Variants in SLC30A7 observed in about 807,000 individuals in gnomAD.
SLC30A7 encodes the protein zinc transporter 7.
SLC30A7 carries 35 observed loss-of-function variants against 46.0 expected under a neutral mutation model. The observed-to-expected ratio is 0.76, with a 90% confidence interval of 0.58 to 1.01. SLC30A7 has a LOEUF of 1.01. SLC30A7 is among the 50% of genes least tolerant of loss of function. The pLI is 0.00. For synonymous variants in SLC30A7, 147 were observed against 157.8 expected, an observed-to-expected ratio of 0.93 and a Z score of 0.51; for missense variants, 464 against 451.1, an observed-to-expected ratio of 1.03 and a Z score of -0.26.
the SLC30A7 span, chr1:100,990,697 AACATT>A: frequency 6.9e-7 from 1 of 1,454,134 alleles, no homozygotes; most frequent in Non-Finnish European, 9.6e-7. Context: ...CAGTCAAACA[AACATT>A]AGTACCACAA....
At chr1:100,961,029 A>G (rs1655519760) in intron 8 of SLC30A7, among the ~76,000 whole-genome samples, 1 of 138,860 alleles carries the variant, frequency 7.2e-6, no homozygotes, top group African/African-American at 2.7e-5. Context: ...ATCTCGGCTC[A>G]CTGCAAGCTC....
At chr1:100,925,096 G>A (rs1405363317) in intron 8 of SLC30A7, among the ~76,000 whole-genome samples, 5 of 152,228 alleles carry the variant, frequency 3.3e-5, no homozygotes, top group Non-Finnish European at 7.3e-5. Context: ...ACTTTAAATT[G>A]AGTAGATCTG....
chr1:100,990,636 T>A, the SLC30A7 span: 2 of 1,473,544 alleles, frequency 1.4e-6, no homozygotes, highest in Admixed American at 1.9e-5. Context: ...TAACTGCTAT[T>A]AAAAAAAAAA....
rs374579638 is a variant in SLC30A7, at chr1:100,912,125, C to T, written c.398C>T (p.Pro133Leu). The change falls in exon 5 of 11, where the codon CCT becomes CTT. Residue 133 changes from proline to leucine, a missense_variant. Coordinates refer to ENST00000357650, the MANE Select transcript of SLC30A7 (RefSeq NM_133496.5). ...FSEGVERALAPPDVHHERLLL... is the reference protein window; with the variant it reads ...FSEGVERALALPDVHHERLLL... ...TGTGTTTTCTAGAGAGCATTAGCCC[C>T]TCCAGATGTCCACCATGAGAGACTG... 188 of 1,613,690 alleles carry T rather than the reference C, an allele frequency of 1.2e-4. No individual in the cohort carries two copies. Among genetic ancestry groups the T allele is most frequent in the Non-Finnish European group, 1.5e-4 (177 of 1,179,732 alleles).
At chr1:100,931,647 T>A (rs1653671447) in intron 8 of SLC30A7, among the ~76,000 whole-genome samples, 1 of 152,234 alleles carries the variant, frequency 6.6e-6, no homozygotes. Flanking sequence ...CTTTTTGCAT[T>A]GTTTCTTGTG....
Position 100,946,708 on chromosome 1 carries a change from T to G in SLC30A7, c.843-15120T>G, listed in dbSNP as rs543674801. Among the ~76,000 whole-genome samples the G allele has an allele frequency of 2.0e-5, 3 of 152,364 alleles. No individual in the cohort carries two copies. In the East Asian group the frequency reaches 5.8e-4, roughly 29 times the overall value. ...TTGCCAGTATTTTATTGAGGATTTTTGCATCGATGTTCATTAAAGATATTG... is the reference window on the plus strand; with the variant it reads ...TTGCCAGTATTTTATTGAGGATTTTGGCATCGATGTTCATTAAAGATATTG... On this transcript the variant is annotated intron_variant, in intron 8 of 10. Transcript: ENST00000357650.
the SLC30A7 span, among the ~76,000 whole-genome samples, chr1:100,993,593 TATATAG>T: frequency 8.0e-6 from 1 of 124,516 alleles, no homozygotes; most frequent in African/African-American, 3.0e-5. Context: ...TATATATATA[TATATAG>T]CTATTGTGGC....
chr1:100,959,789 T>C (rs929388697), intron 8 of SLC30A7, among the ~76,000 whole-genome samples: 2 of 152,154 alleles, frequency 1.3e-5, no homozygotes, highest in Non-Finnish European at 2.9e-5. Context: ...AAACTTTACA[T>C]AGGGCATGAA....
the SLC30A7 span, chr1:100,990,638 A>G: frequency 2.5e-6 from 4 of 1,610,190 alleles, no homozygotes; most frequent in African/African-American, 2.7e-5. Flanking sequence ...ACTGCTATTA[A>G]AAAAAAAAGA....
chr1:100,930,335 A>G (rs983622228), intron 8 of SLC30A7, among the ~76,000 whole-genome samples: 2 of 152,014 alleles, frequency 1.3e-5, no homozygotes, highest in African/African-American at 4.8e-5. Context: ...TTTTAGAGGA[A>G]ACAAATTTTT....
At chr1:100,959,810 G>A (rs778408771) in intron 8 of SLC30A7, among the ~76,000 whole-genome samples, 12 of 152,254 alleles carry the variant, frequency 7.9e-5, no homozygotes, top group Non-Finnish European at 1.8e-4. Context: ...TACTACATAG[G>A]GCAGGGTCAT....
chr1:100,970,194 G>A (rs767507836), intron 10 of SLC30A7, among the ~76,000 whole-genome samples: 1 of 151,920 alleles, frequency 6.6e-6, no homozygotes, highest in Non-Finnish European at 1.5e-5. Context: ...TATAGCTTTT[G>A]ATTTATTACA....
At chr1:100,955,080 G>A (rs1004315245) in intron 8 of SLC30A7, among the ~76,000 whole-genome samples, 17 of 152,008 alleles carry the variant, frequency 1.1e-4, no homozygotes, top group South Asian at 8.3e-4. Flanking sequence ...TTTATTCTCA[G>A]ATCTAAGTAA....
intron 8 of SLC30A7, among the ~76,000 whole-genome samples, chr1:100,931,567 A>G (rs1653667039): frequency 6.6e-6 from 1 of 152,072 alleles, no homozygotes; most frequent in South Asian, 2.1e-4. Flanking sequence ...TTTACTGTTC[A>G]GTTACCAGAA....
At chr1:100,912,405 C>A (rs1194616550) in intron 5 of SLC30A7, among the ~76,000 whole-genome samples, 167 bp downstream of exon 5, 1 of 152,090 alleles carries the variant, frequency 6.6e-6, no homozygotes, top group Non-Finnish European at 1.5e-5. Flanking sequence ...CATCTCAGTG[C>A]CTTCTCAGAG....
intron 10 of SLC30A7, among the ~76,000 whole-genome samples, chr1:100,966,472 C>T (rs558750619): frequency 1.3e-5 from 2 of 151,826 alleles, no homozygotes; most frequent in African/African-American, 4.8e-5. Flanking sequence ...GTGGTTCCAG[C>T]TACTTGGGAG....
rs773366172 is a variant in SLC30A7 at position 100,965,831 on chromosome 1, C to G, written c.996C>G (p.Asp332Glu). The G allele has an allele frequency of 1.9e-6, 3 of 1,613,486 alleles. No individual in the cohort carries two copies. Among genetic ancestry groups the G allele is most frequent in the Non-Finnish European group, 2.5e-6 (3 of 1,179,604 alleles). The change falls in exon 10 of 11, where the codon GAC (aspartate) becomes GAG (glutamate). Residue 332 changes from aspartate to glutamate, a missense_variant. Coordinates refer to ENST00000357650, the MANE Select transcript of SLC30A7 (RefSeq NM_133496.5). ...AGCACTTCTGGACTTTATGTTCTGA[C>G]GTTTATGTTGGGACCTTGAAATTAA... ...QEQHFWTLCS[D>E]VYVGTLKLIV...
At chr1:100,946,526 G>A (rs1229366585) in intron 8 of SLC30A7, among the ~76,000 whole-genome samples, 1 of 152,114 alleles carries the variant, frequency 6.6e-6, no homozygotes, top group East Asian at 1.9e-4. Flanking sequence ...GGCCTTTTCT[G>A]CATCTTTTGA....
In SLC30A7 at chr1:100,979,767, G is replaced by C. The variant is rs550928625; in HGVS notation, c.*4910G>C. The C allele has an allele frequency of 6.6e-6, 1 of 152,234 alleles. No individual in the cohort carries two copies. The highest frequency in any genetic ancestry group is 2.4e-5 in the African/African-American group (1 of 41,552). The allele number at this position is 152,234 out of a possible 1,614,324, so 9.4% of individuals were successfully genotyped here. On this transcript the variant is annotated 3_prime_UTR_variant, in exon 11 of 11. Transcript: ENST00000357650. ...TCCTTATTTTACAGATGAGGAAGCT[G>C]TTTGGAGATAATTTAAGTGACTTGC...
Sources: allele counts gnomAD v4.1 joint callset (sites outside exome capture counted in the v4.1 genomes callset), GRCh38; gene constraint gnomAD v4.1.1; transcripts MANE v1.5; gene names NCBI Gene and HGNC (gene_info 2026-07-23, HGNC 2026-07-21).